Variants in ZDHHC15 observed in about 807,000 individuals in gnomAD.
ZDHHC15 encodes the protein zDHHC palmitoyltransferase 15.
A neutral mutation model predicts 31.7 loss-of-function variants in ZDHHC15; 19 were observed. The observed-to-expected ratio is 0.60, with a 90% CI of 0.42 to 0.88. The LOEUF (loss-of-function observed/expected upper bound fraction) is 0.88, where lower values mean the gene tolerates loss of function less well. ZDHHC15 is among the 40% of genes least tolerant of loss of function. ZDHHC15 has a pLI of 0.00. For synonymous variants in ZDHHC15, 103 were observed against 90.0 expected (o/e 1.14, Z -0.82); for missense variants, 209 against 251.2 (o/e 0.83, Z 1.14).
rs1185721067 is a variant in ZDHHC15, at chrX:75,370,740, C to T, written c.*2238G>A. ...AGAGACAGGGTTTCTCCATGTTGGT[C>T]AGGCTGGTCTTGAACTCCCGACCTC... On this transcript the variant is annotated 3_prime_UTR_variant, in exon 12 of 12. Coordinates refer to ENST00000373367, the MANE Select transcript of ZDHHC15 (RefSeq NM_144969.3). 1 of 110,942 alleles carries T rather than the reference C, an allele frequency of 9.0e-6. No homozygotes were observed. The highest frequency in any genetic ancestry group is 1.9e-5 in the Non-Finnish European group (1 of 53,030). The allele number at this position is 110,942 out of a possible 1,213,427, so 9.1% of individuals were successfully genotyped here. A position where few individuals can be genotyped will look rare whatever the true frequency, so the allele number is the denominator to read the frequency against.
At chrX:75,454,356 C>T (rs745796290) in intron 3 of ZDHHC15, among the ~76,000 whole-genome samples, 1 of 111,776 alleles carries the variant, frequency 8.9e-6, no homozygotes, top group Non-Finnish European at 1.9e-5. Context: ...GGGTTGGTTC[C>T]AAGTCTTTGC....
At chrX:75,421,392 A>G (rs1569320592) in intron 9 of ZDHHC15, among the ~76,000 whole-genome samples, 1 of 19,505 alleles carries the variant, frequency 5.1e-5, no homozygotes, top group Non-Finnish European at 1.1e-4. Flanking sequence ...GTGTGTATAT[A>G]TATATATTAT....
intron 2 of ZDHHC15, among the ~76,000 whole-genome samples, chrX:75,491,362 A>T (rs951797942): frequency 9.3e-6 from 1 of 107,236 alleles, no homozygotes; most frequent in African/African-American, 3.4e-5. Flanking sequence ...CATTCTCAGT[A>T]AACTATCGCA....
intron 4 of ZDHHC15, among the ~76,000 whole-genome samples, chrX:75,445,184 G>A (rs1402704708): frequency 9.0e-6 from 1 of 111,159 alleles, no homozygotes; most frequent in African/African-American, 3.3e-5. Flanking sequence ...TCTCTATAGA[G>A]AACCCTACTG....
intron 4 of ZDHHC15, among the ~76,000 whole-genome samples, chrX:75,441,778 T>A (rs775239082): frequency 9.1e-6 from 1 of 109,845 alleles, no homozygotes; most frequent in South Asian, 4.0e-4. Flanking sequence ...CACCCGCCAC[T>A]GCGCACGGCT....
intron 2 of ZDHHC15, among the ~76,000 whole-genome samples, chrX:75,501,188 T>G (rs1352321771): frequency 9.0e-6 from 1 of 110,919 alleles, no homozygotes; most frequent in East Asian, 2.8e-4. Flanking sequence ...GTTCTCACAA[T>G]TTAGCTCCCA....
chrX:75,503,244 T>C (rs756648196), intron 2 of ZDHHC15, among the ~76,000 whole-genome samples: 2 of 111,126 alleles, frequency 1.8e-5, no homozygotes, highest in East Asian at 5.7e-4. Context: ...TTTAGTCCTT[T>C]CTGTGCAGTA....
chrX:75,514,224 T>C (rs917705030), intron 1 of ZDHHC15, among the ~76,000 whole-genome samples: 2 of 112,311 alleles, frequency 1.8e-5, no homozygotes, highest in Non-Finnish European at 3.8e-5. Context: ...GCAAGTAATA[T>C]TGAGTTTTAC....
chrX:75,483,459 T>G (rs934213165), intron 2 of ZDHHC15, among the ~76,000 whole-genome samples: 6 of 110,595 alleles, frequency 5.4e-5, no homozygotes, highest in East Asian at 5.7e-4. Context: ...TTCAGTTACT[T>G]GGGAGGCAGA....
At position 75,371,311 on chromosome X, in the gene ZDHHC15, A is replaced by G. The variant is rs1201083357; in HGVS notation, c.*1667T>C. 8.9e-6 allele frequency: 1 copy of G among 111,921 alleles called. No homozygotes were observed. The highest frequency in any genetic ancestry group is 3.2e-5 in the African/African-American group (1 of 30,801). The allele number at this position is 111,921 out of a possible 1,213,427, so 9.2% of individuals were successfully genotyped here. A position where few individuals can be genotyped will look rare whatever the true frequency, so the allele number is the denominator to read the frequency against. ...ATAAGAAGATTTCATCTTGAAACCC[A>G]GTGTGTGCATAGTCATCTAGGCTGC... On this transcript the variant is annotated 3_prime_UTR_variant, in exon 12 of 12. Coordinates refer to ENST00000373367, the MANE Select transcript of ZDHHC15 (RefSeq NM_144969.3).
chrX:75,394,762 A>T (rs891690275), intron 10 of ZDHHC15, among the ~76,000 whole-genome samples: 10 of 111,940 alleles, frequency 8.9e-5, no homozygotes, highest in African/African-American at 1.9e-4. Context: ...AGACTCCAAA[A>T]CAATAACAGC....
chrX:75,411,307 C>G (rs1346131729), intron 10 of ZDHHC15, among the ~76,000 whole-genome samples: 1 of 109,986 alleles, frequency 9.1e-6, no homozygotes, highest in Non-Finnish European at 1.9e-5. Context: ...TTCTGGGGTT[C>G]ACGCCACTCT....
At chrX:75,496,291 A>C (rs2084998189) in intron 2 of ZDHHC15, among the ~76,000 whole-genome samples, 1 of 111,722 alleles carries the variant, frequency 9.0e-6, no homozygotes, top group Admixed American at 9.6e-5. Flanking sequence ...AATTTAGGGC[A>C]ATAGGAAAAT....
chrX:75,483,596 A>G (rs1411198806), intron 2 of ZDHHC15, among the ~76,000 whole-genome samples: 1 of 111,480 alleles, frequency 9.0e-6, no homozygotes, highest in African/African-American at 3.3e-5. Flanking sequence ...TTAAAAAAAG[A>G]AAATAGTTTA....
intron 10 of ZDHHC15, among the ~76,000 whole-genome samples, chrX:75,406,207 C>A (rs1196708389): frequency 9.1e-6 from 1 of 110,278 alleles, no homozygotes; most frequent in African/African-American, 3.3e-5. Flanking sequence ...CAAAGCAGTA[C>A]TAAAAGGGAA....
chrX:75,431,372 T>C, intron 5 of ZDHHC15, 79 bp downstream of exon 5: 1 of 962,658 alleles, frequency 1.0e-6, no homozygotes, highest in Non-Finnish European at 1.5e-6. Flanking sequence ...TATGATTACA[T>C]GTTAGGATCA....
At chrX:75,505,901 G>T (rs750833027) in intron 1 of ZDHHC15, 54 bp from the exon 2 acceptor site, 1 of 1,005,929 alleles carries the variant, frequency 9.9e-7, no homozygotes, top group African/African-American at 1.9e-5. Flanking sequence ...ATGGATGAGA[G>T]AGAGAGAGAG....
rs1056250379 is a variant in ZDHHC15, at chrX:75,447,150, C to A, written c.379+3652G>T. On this transcript the variant is annotated intron_variant, in intron 4 of 11. Coordinates refer to ENST00000373367, the MANE Select transcript of ZDHHC15 (RefSeq NM_144969.3). ...CTGCCACTGCTGACTACCCAATCTGCCAGCAGCAGAGACCAACACTGAGCA... is the reference window on the plus strand; with the variant it reads ...CTGCCACTGCTGACTACCCAATCTGACAGCAGCAGAGACCAACACTGAGCA... Among the ~76,000 whole-genome samples, 18 of 111,755 alleles carry A rather than the reference C, an allele frequency of 1.6e-4. No homozygotes were observed. In the Admixed American group the frequency reaches 1.7e-3, roughly 11 times the overall value.
In ZDHHC15 at chrX:75,421,999, G is replaced by A. The variant is rs749163193; in HGVS notation, c.737-9C>T. On this transcript the variant is annotated splice_polypyrimidine_tract_variant and intron_variant, in intron 8 of 11. Coordinates refer to ENST00000373367, the MANE Select transcript of ZDHHC15 (RefSeq NM_144969.3). ...TGGAGTGCAGAAGGCCTCTAAGGCAGGGCAGGAGAGTTGAAGAAAAGAGGA... is the reference window on the plus strand; with the variant it reads ...TGGAGTGCAGAAGGCCTCTAAGGCAAGGCAGGAGAGTTGAAGAAAAGAGGA... The A allele has an allele frequency of 8.4e-7, 1 of 1,192,488 alleles. No individual in the cohort carries two copies. The highest frequency in any genetic ancestry group is 1.1e-6 in the Non-Finnish European group (1 of 888,029).
Sources: gnomAD v4.1 joint callset for allele counts (sites outside exome capture counted in the v4.1 genomes callset) on GRCh38, gnomAD v4.1.1 for gene constraint, MANE v1.5 for transcripts, NCBI Gene and HGNC (gene_info 2026-07-23, HGNC 2026-07-21) for gene names.